Variants in FAM53B observed in about 807,000 individuals in gnomAD.
FAM53B encodes protein FAM53B.
FAM53B carries 12 observed loss-of-function variants against 32.7 expected under a neutral mutation model. That is an observed-to-expected ratio of 0.37 (90% CI 0.24 to 0.59). FAM53B has a LOEUF of 0.59. Among genes scored for constraint, FAM53B ranks in the 20% least tolerant of loss-of-function variants. FAM53B has a pLI of 0.72. For synonymous variants in FAM53B, 234 were observed against 228.7 expected (o/e 1.02, Z -0.21); for missense variants, 477 against 577.7 (o/e 0.83, Z 1.79).
intron 4 of FAM53B, among the ~76,000 whole-genome samples, chr10:124,671,008 G>A (rs549224981): frequency 6.6e-6 from 1 of 152,284 alleles, no homozygotes; most frequent in African/African-American, 2.4e-5. Context: ...TGCGATGCGC[G>A]CTAGAAGAGA....
In FAM53B at chr10:124,681,590, G is replaced by C; in HGVS notation, c.906+17C>G. ...CCAGTGAGCACCAAGGTGACTCCAG[G>C]CTGCTGGGGCTCTTACCTGTGCCAT... On this transcript the variant is annotated intron_variant, in intron 4 of 4. Transcript: ENST00000337318. The C allele has an allele frequency of 6.4e-7, 1 of 1,560,024 alleles. No homozygotes were observed. The highest frequency in any genetic ancestry group is 8.7e-7 in the Non-Finnish European group (1 of 1,148,502).
At chr10:124,657,693 C>T (rs900931998) in intron 4 of FAM53B, among the ~76,000 whole-genome samples, 1 of 152,136 alleles carries the variant, frequency 6.6e-6, no homozygotes, top group Non-Finnish European at 1.5e-5. Flanking sequence ...AGTGTTTGTG[C>T]CCTCTACTAA....
At chr10:124,712,608 C>G (rs1376200402) in intron 1 of FAM53B, among the ~76,000 whole-genome samples, 3 of 152,174 alleles carry the variant, frequency 2.0e-5, no homozygotes, top group African/African-American at 7.2e-5. Context: ...CCAGTCCCCA[C>G]ATTCACCTCC....
Position 124,623,353 on chromosome 10 carries a change from A to G in FAM53B, c.1158T>C (p.Asp386=). 4 of 1,612,604 alleles carry G rather than the reference A, an allele frequency of 2.5e-6. No homozygotes were observed. The African/African-American group carries it at 4.0e-5, about 16-fold the overall frequency. Residue 386 remains aspartate (D), a synonymous_variant, in exon 5 of 5, where the codon GAT becomes GAC. Transcript: ENST00000337318. ...EESDSCALDE[D]CGRRAEPAAA... ...CAGCCGGCTCCGCTCTCCTGCCACA[A>G]TCCTCGTCCAGGGCGCAGCTGTCTG...
At chr10:124,667,093 C>T (rs34336231) in intron 4 of FAM53B, 105,849 of 373,390 alleles carry the variant, frequency 0.28, 17,234 homozygotes, top group South Asian at 0.35. Context: ...TACATGCAGT[C>T]ACTGAATGAT....
At chr10:124,683,245 C>T (rs1332653785) in intron 3 of FAM53B, among the ~76,000 whole-genome samples, 1 of 152,152 alleles carries the variant, frequency 6.6e-6, no homozygotes, top group Non-Finnish European at 1.5e-5. Context: ...TGTTTTTCTA[C>T]TATGGAATCA....
intron 1 of FAM53B, among the ~76,000 whole-genome samples, chr10:124,721,153 G>A (rs1281908570): frequency 6.6e-6 from 1 of 152,200 alleles, no homozygotes; most frequent in Admixed American, 6.5e-5. Flanking sequence ...AGTGAGTCTG[G>A]ATCATGCCGC....
chr10:124,641,877 C>T (rs1564865011), intron 4 of FAM53B, among the ~76,000 whole-genome samples: 1 of 152,204 alleles, frequency 6.6e-6, no homozygotes, highest in Admixed American at 6.5e-5. Flanking sequence ...TGGCACACCG[C>T]GACTCGCTGG....
At chr10:124,727,606 G>A (rs188102623) in intron 1 of FAM53B, among the ~76,000 whole-genome samples, 19 of 152,092 alleles carry the variant, frequency 1.2e-4, no homozygotes, top group Non-Finnish European at 1.2e-4. Context: ...ATTCACCATC[G>A]TTCTCCCTGT....
intron 4 of FAM53B, among the ~76,000 whole-genome samples, chr10:124,674,466 GA>G (rs1483640804): frequency 6.6e-6 from 1 of 152,232 alleles, no homozygotes; most frequent in African/African-American, 2.4e-5. Context: ...TGGGGAAAAT[GA>G]ACCATGAAGA....
intron 3 of FAM53B, among the ~76,000 whole-genome samples, chr10:124,684,269 C>T (rs549339429): frequency 6.6e-6 from 1 of 152,372 alleles, no homozygotes; most frequent in East Asian, 1.9e-4. Flanking sequence ...CTTCATCATA[C>T]ATCGTTCATC....
chr10:124,735,989 C>T (rs1344803636), intron 1 of FAM53B, among the ~76,000 whole-genome samples: 1 of 152,254 alleles, frequency 6.6e-6, no homozygotes, highest in African/African-American at 2.4e-5. Flanking sequence ...TCCTCTGTGA[C>T]GCCAAACAGT....
At chr10:124,667,341 T>C (rs1295292333) in intron 4 of FAM53B, 3 of 726,642 alleles carry the variant, frequency 4.1e-6, no homozygotes, top group African/African-American at 3.5e-5. Flanking sequence ...GCTTGAGTTC[T>C]GGTTTCACTG....
intron 4 of FAM53B, among the ~76,000 whole-genome samples, chr10:124,669,034 G>A (rs1356995644): frequency 1.3e-5 from 2 of 152,210 alleles, no homozygotes; most frequent in African/African-American, 2.4e-5. Flanking sequence ...CTGGCCTGGG[G>A]AAAGTGCAGG....
intron 4 of FAM53B, among the ~76,000 whole-genome samples, chr10:124,628,753 T>C (rs954792704): frequency 8.5e-5 from 13 of 152,198 alleles, no homozygotes; most frequent in Non-Finnish European, 2.9e-5. Context: ...CCCTTTCCCT[T>C]TGGGGTCACC....
intron 3 of FAM53B, among the ~76,000 whole-genome samples, chr10:124,691,818 C>T (rs1949834347): frequency 6.6e-6 from 1 of 152,190 alleles, no homozygotes; most frequent in South Asian, 2.1e-4. Flanking sequence ...TGGAGGGAGC[C>T]TTGACTGAGA....
At chr10:124,662,991 CAG>C (rs1949644479) in intron 4 of FAM53B, among the ~76,000 whole-genome samples, 2 of 152,230 alleles carry the variant, frequency 1.3e-5, no homozygotes, top group Non-Finnish European at 2.9e-5. Flanking sequence ...CCAGGTGAAA[CAG>C]GGTCTCACAC....
chr10:124,658,740 TGCAGTGAGCTAAAGG>T (rs1949611431), intron 4 of FAM53B, among the ~76,000 whole-genome samples: 1 of 152,150 alleles, frequency 6.6e-6, no homozygotes, highest in African/African-American at 2.4e-5. Context: ...ACAACTGCAG[TGCAGTGAGCTAAAGG>T]GCCACAGCCT....
intron 2 of FAM53B, among the ~76,000 whole-genome samples, chr10:124,700,794 C>A (rs1949910455): frequency 6.6e-6 from 1 of 152,214 alleles, no homozygotes. Context: ...GAAATCAAAT[C>A]ACCTTTTCCA....
Sources: gnomAD v4.1 joint callset for allele counts (sites outside exome capture counted in the v4.1 genomes callset) on GRCh38, gnomAD v4.1.1 for gene constraint, MANE v1.5 for transcripts, NCBI Gene and HGNC (gene_info 2026-07-23, HGNC 2026-07-21) for gene names.